TACR2: variants seen among roughly 807,000 people sequenced by gnomAD.
TACR2 encodes the protein tachykinin receptor 2, also known as substance-K receptor.
A neutral mutation model predicts 28.9 loss-of-function variants in TACR2; 24 were observed. The observed-to-expected ratio is 0.83, with a 90% CI of 0.60 to 1.17. The LOEUF is 1.17. Among genes scored for constraint, TACR2 ranks in the 50% most tolerant of loss-of-function variants. The pLI is 0.00. For missense variants in TACR2, 487 were observed against 524.4 expected (o/e 0.93, Z 0.70); for synonymous variants, 222 against 212.6 (o/e 1.04, Z -0.38).
rs564754581 is a variant in TACR2 at position 69,416,380 on chromosome 10, T to C, written c.-57A>G. 1.3e-6 allele frequency: 2 copies of C among 1,529,356 alleles called. No individual in the cohort carries two copies. Among genetic ancestry groups the C allele is most frequent in the Admixed American group, 4.1e-5 (2 of 48,800 alleles). 94.7% of individuals were successfully genotyped at this position (1,529,356 alleles called of 1,614,324 possible). A position where few individuals can be genotyped will look rare whatever the true frequency, so the allele number is the denominator to read the frequency against. The stretch of plus-strand genomic sequence containing the variant: ...GCTCCTCGGCTCCTCTCGGATTTGC[T>C]ATGAAAGAGAACTCCCCTTCAGAGC... On this transcript the variant is annotated 5_prime_UTR_variant, in exon 1 of 5. It adds an upstream start codon to the 5' untranslated region. Transcript: ENST00000373306.
intron 2 of TACR2, among the ~76,000 whole-genome samples, chr10:69,413,292 G>A (rs905458033): frequency 6.6e-6 from 1 of 152,044 alleles, no homozygotes; most frequent in Non-Finnish European, 1.5e-5. Context: ...AAATCCTTTC[G>A]GAATTTTAAG....
chr10:69,416,542 A>C lies in TACR2; in HGVS notation c.-219T>G, dbSNP rs1310361136. On this transcript the variant is annotated 5_prime_UTR_variant, in exon 1 of 5. An upstream open reading frame in the 5' UTR loses its in-frame stop. Transcript: ENST00000373306. The stretch of plus-strand genomic sequence containing the variant: ...CCCAGTCCAGAACCATTGTCATTTC[A>C]GATTCCATCCTTCCGGCCAGACTTC... 3 of 501,262 alleles carry C rather than the reference A, an allele frequency of 6.0e-6. No individual in the cohort carries two copies. The highest frequency in any genetic ancestry group is 1.0e-5 in the Non-Finnish European group (3 of 293,306). 31.1% of individuals were successfully genotyped at this position (501,262 alleles called of 1,614,324 possible). A position where few individuals can be genotyped will look rare whatever the true frequency, so the allele number is the denominator to read the frequency against.
chr10:69,407,440 C>A (rs11813340), intron 3 of TACR2, among the ~76,000 whole-genome samples, 160 bp from the exon 4 acceptor site: 1,924 of 152,304 alleles, frequency 0.013, 42 homozygotes, highest in African/African-American at 0.044. Context: ...TTTGCCCAGA[C>A]CTTCCTGAGC....
chr10:69,414,908 C>T (rs1224737804), intron 2 of TACR2, 37 bp downstream of exon 2: 2 of 1,582,380 alleles, frequency 1.3e-6, no homozygotes, highest in South Asian at 1.1e-5. Context: ...CTCACACACA[C>T]ACACTGTTGC....
intron 4 of TACR2, among the ~76,000 whole-genome samples, chr10:69,405,669 C>T (rs1490029196): frequency 2.6e-5 from 4 of 152,168 alleles, no homozygotes; most frequent in African/African-American, 4.8e-5. Flanking sequence ...AGAAAGGGAA[C>T]GCTGGCTGCT....
At chr10:69,415,413 A>C (rs1450048045) in intron 1 of TACR2, among the ~76,000 whole-genome samples, 1 of 152,198 alleles carries the variant, frequency 6.6e-6, no homozygotes, top group Non-Finnish European at 1.5e-5. Context: ...CGGCCACAAG[A>C]AAGCCACACT....
At chr10:69,405,108 A>G in intron 4 of TACR2, 24 bp from the exon 5 acceptor site, 8 of 1,606,192 alleles carry the variant, frequency 5.0e-6, no homozygotes, top group Non-Finnish European at 6.8e-6. Context: ...GGGCACCTTG[A>G]GCCAGGGAGT....
rs556975600 is a variant in TACR2, at chr10:69,409,040, A to G, written c.623T>C (p.Leu208Pro). 7.5e-6 allele frequency: 12 copies of G among 1,607,030 alleles called. No homozygotes were observed. In the East Asian group the frequency reaches 2.7e-4, roughly 37 times the overall value. The change falls in exon 3 of 5, where the codon CTG (leucine) becomes CCG (proline). Residue 208 changes from leucine to proline, a missense_variant. Transcript: ENST00000373306. ...GGCTACAAACATCACCGCGAGCGGC[A>G]GGAAGTAGATGAGGGCGATCACCAC... ...HLVVIALIYF[L>P]PLAVMFVAYS...
At chr10:69,409,859 G>GTA (rs1348364593) in intron 2 of TACR2, among the ~76,000 whole-genome samples, 2 of 70,054 alleles carry the variant, frequency 2.9e-5, no homozygotes, top group African/African-American at 1.2e-4. Context: ...ATATGTATAT[G>GTA]TATATGTATA....
At chr10:69,406,671 G>T (rs986525) in intron 4 of TACR2, among the ~76,000 whole-genome samples, 47,064 of 152,030 alleles carry the variant, frequency 0.31, 7,677 homozygotes, top group South Asian at 0.47. Context: ...GAAAATACTA[G>T]AACAGAAGTC....
chr10:69,410,289 G>A (rs1840558640), intron 2 of TACR2, among the ~76,000 whole-genome samples: 1 of 151,896 alleles, frequency 6.6e-6, no homozygotes, highest in African/African-American at 2.4e-5. Context: ...GACCAGGATG[G>A]GAGGACTGCT....
chr10:69,409,363 G>A, intron 2 of TACR2: 1 of 286,716 alleles, frequency 3.5e-6, no homozygotes, highest in Non-Finnish European at 6.5e-6. Context: ...AAAAGTGAAT[G>A]AAACAAATTA....
In TACR2 at chr10:69,407,094, G is replaced by C. The variant is rs775017376; in HGVS notation, c.928C>G (p.Leu310Val). The C allele has an allele frequency of 6.2e-7, 1 of 1,613,766 alleles. No homozygotes were observed. The highest frequency in any genetic ancestry group is 8.5e-7 in the Non-Finnish European group (1 of 1,179,842). The change falls in exon 4 of 5, where the codon CTC becomes GTC. Residue 310 changes from leucine (L) to valine (V), a missense_variant. Coordinates refer to ENST00000373306, the MANE Select transcript of TACR2 (RefSeq NM_001057.3). ...TMYNPIIYCC[L>V]NHRFRSGFRL... The stretch of plus-strand genomic sequence containing the variant: ...GGAGTGGGGGCTCACCTGTGGTTGA[G>C]ACAGCAGTAGATGATGGGATTGTAC...
chr10:69,406,386 C>T (rs1427934538), intron 4 of TACR2, among the ~76,000 whole-genome samples: 3 of 152,204 alleles, frequency 2.0e-5, no homozygotes, highest in African/African-American at 4.8e-5. Context: ...CAAGTGCAGG[C>T]CCCTCTCTGG....
At chr10:69,409,436 A>G (rs887177006) in intron 2 of TACR2, among the ~76,000 whole-genome samples, 1 of 151,954 alleles carries the variant, frequency 6.6e-6, no homozygotes, top group African/African-American at 2.4e-5. Flanking sequence ...AAATTATCCC[A>G]CTCCCACCAC....
In TACR2 at chr10:69,416,057, G is replaced by C. The variant is rs1589605152; in HGVS notation, c.267C>G (p.Phe89Leu). Residue 89 changes from phenylalanine to leucine, a missense_variant, in exon 1 of 5, where the codon TTC (phenylalanine) becomes TTG (leucine). Phe to Leu is a conservative substitution (Grantham distance 22, BLOSUM62 0). Transcript: ENST00000373306. Reference protein sequence around the residue: ...DLCMAAFNAAFNFVYASHNIW... With the variant: ...DLCMAAFNAALNFVYASHNIW... ...TGTTGTGGCTGGCATAGACAAAGTT[G>C]AAGGCGGCATTGAAGGCAGCCATGC... The C allele has an allele frequency of 6.2e-7, 1 of 1,614,226 alleles. No individual in the cohort carries two copies. Among genetic ancestry groups the C allele is most frequent in the Non-Finnish European group, 8.5e-7 (1 of 1,180,038 alleles).
intron 4 of TACR2, among the ~76,000 whole-genome samples, chr10:69,405,556 C>T (rs969210621): frequency 1.3e-5 from 2 of 152,180 alleles, no homozygotes; most frequent in African/African-American, 4.8e-5. Context: ...TCGGAGCCAC[C>T]AAGTTCTGAT....
chr10:69,405,715 C>A (rs1840496033), intron 4 of TACR2, among the ~76,000 whole-genome samples: 1 of 152,178 alleles, frequency 6.6e-6, no homozygotes. Flanking sequence ...ATGTCAGGAT[C>A]TTGTAGAGCC....
intron 2 of TACR2, among the ~76,000 whole-genome samples, chr10:69,410,524 A>C (rs1270195747): frequency 6.8e-6 from 1 of 147,030 alleles, no homozygotes; most frequent in Non-Finnish European, 1.5e-5. Context: ...CTGTCAAAAA[A>C]AAAAAACAAA....
Sources: gnomAD v4.1 joint callset for allele counts (sites outside exome capture counted in the v4.1 genomes callset) on GRCh38, gnomAD v4.1.1 for gene constraint, MANE v1.5 for transcripts, NCBI Gene and HGNC (gene_info 2026-07-23, HGNC 2026-07-21) for gene names.